The following ZNF324B variants were observed in gnomAD, a reference collection of about 807,000 sequenced individuals.
ZNF324B encodes the protein zinc finger protein 324B.
A neutral mutation model predicts 10.6 loss-of-function variants in ZNF324B; 7 were observed. That is an observed-to-expected ratio of 0.66 (90% CI 0.38 to 1.24). The LOEUF is 1.24. Among genes scored for constraint, ZNF324B ranks in the 50% most tolerant of loss-of-function variants. ZNF324B has a pLI of 0.02. For missense variants in ZNF324B, 640 were observed against 764.7 expected, an observed-to-expected ratio of 0.84 and a Z score of 1.92; for synonymous variants, 316 against 321.0, an observed-to-expected ratio of 0.98 and a Z score of 0.17.
the ZNF324B span, chr19:58,434,266 T>C: frequency 4.3e-6 from 7 of 1,614,198 alleles, no homozygotes; most frequent in Non-Finnish European, 5.9e-6. Flanking sequence ...AACTTTCTGA[T>C]GCCGAAGGAA....
the ZNF324B span, chr19:58,441,268 A>G: frequency 6.6e-6 from 1 of 152,362 alleles, no homozygotes; most frequent in African/African-American, 2.4e-5. Flanking sequence ...TGGTTGCTGA[A>G]TGAACACACT....
the ZNF324B span, chr19:58,440,905 C>T: frequency 6.6e-6 from 1 of 152,388 alleles, no homozygotes; most frequent in Non-Finnish European, 1.5e-5. Context: ...CTGGCACCCA[C>T]TCCGCTGGAC....
At chr19:58,450,663 T>C (rs1271071851), upstream of ZNF324B, among the ~76,000 whole-genome samples, 1 of 152,180 alleles carries the variant, frequency 6.6e-6, no homozygotes, top group East Asian at 1.9e-4. Flanking sequence ...TGGACAGTTA[T>C]AGCTGACAGT....
the ZNF324B span, chr19:58,433,579 G>C: frequency 1.2e-6 from 2 of 1,614,098 alleles, no homozygotes; most frequent in African/African-American, 2.7e-5. Flanking sequence ...CCTTTCTCCA[G>C]TGTGAACTCT....
upstream of ZNF324B, among the ~76,000 whole-genome samples, chr19:58,448,172 T>C (rs1013509658): frequency 6.6e-6 from 1 of 152,018 alleles, no homozygotes; most frequent in African/African-American, 2.4e-5. Context: ...CAGGCAGAGG[T>C]TGGAACAGTT....
chr19:58,447,996 C>A (rs1400392697), upstream of ZNF324B, among the ~76,000 whole-genome samples: 3 of 152,206 alleles, frequency 2.0e-5, no homozygotes, highest in Non-Finnish European at 2.9e-5. Flanking sequence ...GGCCTCCCAG[C>A]CACATGGAAC....
chr19:58,449,266 A>G (rs979817754), upstream of ZNF324B, among the ~76,000 whole-genome samples: 1 of 152,242 alleles, frequency 6.6e-6, no homozygotes, highest in African/African-American at 2.4e-5. Flanking sequence ...CAGAAGATGT[A>G]TGGAAATGCC....
chr19:58,448,593 G>A (rs2052837735), upstream of ZNF324B, among the ~76,000 whole-genome samples: 1 of 152,200 alleles, frequency 6.6e-6, no homozygotes, highest in African/African-American at 2.4e-5. Flanking sequence ...CTGGCATGAT[G>A]GCGGGTGCCT....
At chr19:58,451,235 C>G (rs1283079767), upstream of ZNF324B, among the ~76,000 whole-genome samples, 1 of 152,354 alleles carries the variant, frequency 6.6e-6, no homozygotes, top group Non-Finnish European at 1.5e-5. Flanking sequence ...CCACCTACAC[C>G]TGCCCTACCC....
At chr19:58,442,161 C>CTTTTTTTTTTTTTTTTTTTTTT in the ZNF324B span, 1 of 95,048 alleles carries the variant, frequency 1.1e-5, no homozygotes, top group African/African-American at 6.4e-5. Context: ...TGTTACAGTT[C>CTTTTTTTTTTTTTTTTTTTTTT]TTTTTTTTTT....
At chr19:58,434,922 C>A in the ZNF324B span, 5 of 1,614,136 alleles carry the variant, frequency 3.1e-6, no homozygotes, top group Non-Finnish European at 4.2e-6. Flanking sequence ...CGTCCCTGTC[C>A]TTGTACCATC....
chr19:58,440,091 C>T, the ZNF324B span: 1 of 485,564 alleles, frequency 2.1e-6, no homozygotes, highest in Non-Finnish European at 3.6e-6. Flanking sequence ...ACTCCCGTGC[C>T]CTGGTGTGGC....
upstream of ZNF324B, among the ~76,000 whole-genome samples, chr19:58,451,444 T>C (rs1437174430): frequency 1.3e-5 from 2 of 152,238 alleles, no homozygotes; most frequent in Non-Finnish European, 2.9e-5. Context: ...GCTGCGCTAC[T>C]CCATTTCCAG....
Position 58,456,099 on chromosome 19 carries a change from C to A in ZNF324B, c.1155C>A (p.Ile385=). The A allele has an allele frequency of 3.7e-6, 6 of 1,612,990 alleles. No homozygotes were observed. Among genetic ancestry groups the A allele is most frequent in the Non-Finnish European group, 5.1e-6 (6 of 1,179,936 alleles). The change falls in exon 4 of 4, where the codon ATC becomes ATA. Residue 385 remains isoleucine, a synonymous_variant. Transcript: ENST00000336614. The surrounding 1 kb of genome is among the most constrained non-coding windows in gnomAD (Gnocchi z 4.7). ...GCTTCTGCCGCAACTCGCACCTGATCCAGCACGAGCGTACGCACACAGGCG... is the reference window on the plus strand; with the variant it reads ...GCTTCTGCCGCAACTCGCACCTGATACAGCACGAGCGTACGCACACAGGCG... ...GRRFCRNSHL[I]QHERTHTGEK...
At chr19:58,433,956 G>C in the ZNF324B span, 1 of 1,614,004 alleles carries the variant, frequency 6.2e-7, no homozygotes. Context: ...AGCTATTACT[G>C]AAGGCTTTAC....
At chr19:58,427,303 CTTT>C in the ZNF324B span, among the ~76,000 whole-genome samples, 1 of 61,716 alleles carries the variant, frequency 1.6e-5, no homozygotes, top group Non-Finnish European at 2.7e-5. Context: ...TTCTTTCTTT[CTTT>C]CTTTCTTTCT....
chr19:58,432,069 C>G, the ZNF324B span, among the ~76,000 whole-genome samples: 25 of 152,188 alleles, frequency 1.6e-4, no homozygotes, highest in Non-Finnish European at 2.9e-5. Flanking sequence ...CCAGCTCTGT[C>G]AACTGTGTTA....
At position 58,455,364 on chromosome 19, in the gene ZNF324B, G is replaced by A. The variant is rs974641213; in HGVS notation, c.420G>A (p.Ser140=). 1.2e-5 allele frequency: 20 copies of A among 1,614,108 alleles called. No individual in the cohort carries two copies. Among genetic ancestry groups the A allele is most frequent in the African/African-American group, 2.7e-5 (2 of 74,928 alleles). ...AGGAGAGAAAACCCACGGGGGTGTC[G>A]GTGATCTACTGGGAGAGGCTCCTGC... ...PSQERKPTGV[S]VIYWERLLLG... Residue 140 remains serine (S), a synonymous_variant, in exon 4 of 4, where the codon TCG becomes TCA. Coordinates refer to ENST00000336614, the MANE Select transcript of ZNF324B (RefSeq NM_207395.3). This position sits in a 1 kb window ranked among gnomAD's most constrained non-coding sequence, Gnocchi z 7.0.
chr19:58,452,013 G>C (rs1042261645), intron 1 of ZNF324B: 4 of 231,678 alleles, frequency 1.7e-5, no homozygotes, highest in African/African-American at 9.6e-5. Flanking sequence ...GGGAGTCCCT[G>C]CTCACACAGA....
Sources: allele counts gnomAD v4.1 joint callset (sites outside exome capture counted in the v4.1 genomes callset), GRCh38; gene constraint gnomAD v4.1.1; non-coding constraint Gnocchi (gnomAD v3.1); transcripts MANE v1.5; gene names NCBI Gene and HGNC (gene_info 2026-07-23, HGNC 2026-07-21).